Variants in AGMO observed in about 807,000 individuals in gnomAD.
AGMO encodes glyceryl-ether monooxygenase.
AGMO carries 75 observed loss-of-function variants against 60.2 expected under a neutral mutation model. The ratio of observed to expected loss-of-function variants is 1.25; its 90% CI spans 1.03 to 1.51. The LOEUF (loss-of-function observed/expected upper bound fraction) is 1.51, where lower values mean the gene tolerates loss of function less well. Ranked by LOEUF, AGMO falls within the 40% of genes most tolerant of loss-of-function variation. AGMO has a pLI of 0.00. For missense variants in AGMO, 763 were observed against 525.5 expected (o/e 1.45, Z -4.42); for synonymous variants, 261 against 177.1 (o/e 1.47, Z -3.76).
At position 15,460,106 on chromosome 7, in the gene AGMO, C is replaced by CTTTTTTTTTTTTTT. The variant is rs67388173; in HGVS notation, c.410-28999_410-28998insAAAAAAAAAAAAAA. On this transcript the variant is annotated intron_variant, in intron 3 of 12. Coordinates refer to ENST00000342526, the MANE Select transcript of AGMO (RefSeq NM_001004320.2). ...AAAGTAATTATTTACCCAATTTCCC[C>CTTTTTTTTTTTTTT]TTTTTTTTTTGTTTTTTTGAGAAGG... Among the ~76,000 whole-genome samples the CTTTTTTTTTTTTTT allele has an allele frequency of 1.6e-5, 2 of 121,704 alleles. 1 individual carries two copies. Among genetic ancestry groups the CTTTTTTTTTTTTTT allele is most frequent in the Non-Finnish European group, 3.4e-5 (2 of 58,284 alleles). The allele number at this position is 121,704 out of a possible 152,430, so 79.8% of individuals were successfully genotyped here. A position where few individuals can be genotyped will look rare whatever the true frequency, so the allele number is the denominator to read the frequency against.
chr7:15,233,977 G>A (rs1200827727), intron 12 of AGMO, among the ~76,000 whole-genome samples: 3 of 152,166 alleles, frequency 2.0e-5, no homozygotes, highest in Non-Finnish European at 2.9e-5. Flanking sequence ...AACCTCGGAG[G>A]TGGAGGTTGC....
intron 2 of AGMO, among the ~76,000 whole-genome samples, chr7:15,559,028 G>T (rs1785229967): frequency 6.6e-6 from 1 of 152,040 alleles, no homozygotes. Context: ...TGCCTCTTTG[G>T]TAAGCCCTCA....
chr7:15,428,202 T>G (rs374432673), intron 4 of AGMO, among the ~76,000 whole-genome samples: 2 of 152,196 alleles, frequency 1.3e-5, no homozygotes, highest in South Asian at 2.1e-4. Flanking sequence ...CCCTATAATT[T>G]TGATGTCTAG....
the AGMO span, among the ~76,000 whole-genome samples, chr7:15,148,182 C>A: frequency 6.6e-6 from 1 of 151,976 alleles, no homozygotes; most frequent in African/African-American, 2.4e-5. Flanking sequence ...TATTCTCCTT[C>A]TGCCTAAAGT....
chr7:15,131,401 C>G, the AGMO span, among the ~76,000 whole-genome samples: 1 of 152,184 alleles, frequency 6.6e-6, no homozygotes. Flanking sequence ...AACCTCAGTG[C>G]TTTTTCTCCC....
intron 12 of AGMO, among the ~76,000 whole-genome samples, chr7:15,362,939 G>C (rs1253937466): frequency 6.6e-6 from 1 of 152,120 alleles, no homozygotes. Context: ...CAGACTTCCT[G>C]AGTTTGTTCC....
chr7:15,264,822 C>A (rs1012986460), intron 12 of AGMO, among the ~76,000 whole-genome samples: 1 of 151,990 alleles, frequency 6.6e-6, no homozygotes, highest in Non-Finnish European at 1.5e-5. Flanking sequence ...AACACTTATA[C>A]CTTGTTGGTG....
intron 2 of AGMO, 46 bp downstream of exon 2, chr7:15,560,095 G>A (rs764774468): frequency 2.0e-6 from 3 of 1,502,986 alleles, no homozygotes; most frequent in African/African-American, 1.4e-5. Flanking sequence ...CTCATACTTA[G>A]GCAATTTCAG....
At chr7:15,548,596 C>G (rs950500458) in intron 2 of AGMO, among the ~76,000 whole-genome samples, 2 of 151,820 alleles carry the variant, frequency 1.3e-5, no homozygotes, top group South Asian at 2.1e-4. Context: ...TGAAATGAAG[C>G]GAGAAGGGAA....
At chr7:15,367,110 C>T (rs1329341305) in intron 10 of AGMO, among the ~76,000 whole-genome samples, 1 of 151,862 alleles carries the variant, frequency 6.6e-6, no homozygotes. Flanking sequence ...TGTTTTTGGA[C>T]TCTCAGTCAA....
At position 15,388,311 on chromosome 7, in the gene AGMO, C is replaced by T. The variant is rs76147320; in HGVS notation, c.823-771G>A. On this transcript the variant is annotated intron_variant, in intron 8 of 12. Transcript: ENST00000342526. ...CTTATATCCTACTGCTCAAGGTCAT[C>T]GCCAAGCTCTAATTGGAAAAATTAA... 5.3e-3 allele frequency among the ~76,000 whole-genome samples: 803 copies of T among 152,172 alleles called. 17 individuals carry two copies. Among genetic ancestry groups the T allele is most frequent in the East Asian group, 0.046 (237 of 5,158 alleles).
At chr7:15,518,005 T>C (rs1286272523) in intron 3 of AGMO, among the ~76,000 whole-genome samples, 2 of 152,094 alleles carry the variant, frequency 1.3e-5, no homozygotes, top group African/African-American at 2.4e-5. Flanking sequence ...TCACCATTAC[T>C]GAGACTTGAG....
intron 12 of AGMO, among the ~76,000 whole-genome samples, chr7:15,233,953 A>C (rs1782337790): frequency 6.6e-6 from 1 of 152,162 alleles, no homozygotes; most frequent in Non-Finnish European, 1.5e-5. Context: ...AGGCTGAGGC[A>C]GGAGAATCAC....
chr7:15,392,741 G>A (rs1784196816), intron 6 of AGMO, among the ~76,000 whole-genome samples: 1 of 152,138 alleles, frequency 6.6e-6, no homozygotes, highest in Admixed American at 6.5e-5. Flanking sequence ...GGATGTTGCA[G>A]TGAGCCCAGA....
At chr7:15,513,521 C>G (rs1204980302) in intron 3 of AGMO, among the ~76,000 whole-genome samples, 1 of 152,138 alleles carries the variant, frequency 6.6e-6, no homozygotes, top group Non-Finnish European at 1.5e-5. Flanking sequence ...AAGTCCCCAT[C>G]AAGGCAGACC....
At chr7:15,218,318 G>GGT (rs1352965136) in intron 12 of AGMO, among the ~76,000 whole-genome samples, 18 of 108,230 alleles carry the variant, frequency 1.7e-4, no homozygotes, top group African/African-American at 2.4e-4. Context: ...TATTGACTAT[G>GGT]GTGTGTGTAT....
At chr7:15,426,056 AAAAGGT>A (rs1420757011) in intron 4 of AGMO, among the ~76,000 whole-genome samples, 1 of 152,214 alleles carries the variant, frequency 6.6e-6, no homozygotes, top group African/African-American at 2.4e-5. Context: ...ATTTTATTGC[AAAAGGT>A]AAACAAATTA....
At chr7:15,526,679 C>T (rs1288780482) in intron 3 of AGMO, among the ~76,000 whole-genome samples, 1 of 152,064 alleles carries the variant, frequency 6.6e-6, no homozygotes, top group African/African-American at 2.4e-5. Context: ...TTGCTTTTTT[C>T]CATTAACACA....
At chr7:15,328,568 A>G (rs1781414930) in intron 12 of AGMO, among the ~76,000 whole-genome samples, 1 of 152,180 alleles carries the variant, frequency 6.6e-6, no homozygotes, top group Non-Finnish European at 1.5e-5. Flanking sequence ...GAAGAATCTA[A>G]CCATAGCTAA....
Sources: gnomAD v4.1 joint callset for allele counts (sites outside exome capture counted in the v4.1 genomes callset) on GRCh38, gnomAD v4.1.1 for gene constraint, MANE v1.5 for transcripts, NCBI Gene and HGNC (gene_info 2026-07-23, HGNC 2026-07-21) for gene names.